ACOT7: variants seen among roughly 807,000 people sequenced by gnomAD.
The protein encoded by ACOT7 is cytosolic acyl coenzyme A thioester hydrolase.
A neutral mutation model predicts 40.2 loss-of-function variants in ACOT7; 12 were observed. That is an observed-to-expected ratio of 0.30 (90% CI 0.19 to 0.48). ACOT7 has a LOEUF of 0.48. Ranked by LOEUF, ACOT7 falls within the 20% of genes least tolerant of loss-of-function variation. ACOT7 has a pLI of 0.99. For missense variants in ACOT7, 395 were observed against 530.8 expected, an observed-to-expected ratio of 0.74 and a Z score of 2.51; for synonymous variants, 228 against 219.5, an observed-to-expected ratio of 1.04 and a Z score of -0.34.
intron 5 of ACOT7, among the ~76,000 whole-genome samples, chr1:6,326,268 G>A (rs866038290): frequency 6.6e-6 from 1 of 152,194 alleles, no homozygotes; most frequent in African/African-American, 2.4e-5. Flanking sequence ...GCCTGCCCCC[G>A]AGGGCTCACC....
chr1:6,382,880 G>GT (rs144081480), intron 1 of ACOT7, among the ~76,000 whole-genome samples: 10,429 of 147,494 alleles, frequency 0.071, 615 homozygotes, highest in African/African-American at 0.15. Context: ...CAGTTTTTTT[G>GT]TTTTTTTTTT....
At chr1:6,345,476 T>C (rs1028375090) in intron 2 of ACOT7, among the ~76,000 whole-genome samples, 3 of 152,182 alleles carry the variant, frequency 2.0e-5, no homozygotes, top group African/African-American at 7.2e-5. Flanking sequence ...TAAACACAGA[T>C]AATAAATGGT....
rs772791210 is a variant in ACOT7, at chr1:6,264,410, TATAA to T, written c.*183_*186del. ...CTGTGTAGCATTGATACTGGAATGA[TATAA>T]ATAAAGCTTTGGTGTGTAGGTTTGC... On this transcript the variant is annotated 3_prime_UTR_variant, in exon 9 of 9. Transcript: ENST00000361521. 39 of 606,648 alleles carry T rather than the reference TATAA, an allele frequency of 6.4e-5. No individual in the cohort carries two copies. Among genetic ancestry groups the T allele is most frequent in the Admixed American group, 9.2e-5 (3 of 32,490 alleles). 37.6% of individuals were successfully genotyped at this position (606,648 alleles called of 1,614,324 possible). A position where few individuals can be genotyped will look rare whatever the true frequency, so the allele number is the denominator to read the frequency against.
intron 8 of ACOT7, among the ~76,000 whole-genome samples, chr1:6,267,246 C>T (rs1033963197): frequency 3.9e-5 from 6 of 152,200 alleles, no homozygotes; most frequent in Admixed American, 2.0e-4. Context: ...GGGAGACTGG[C>T]GAGAAACTTG....
At chr1:6,333,608 C>T (rs759417813) in intron 3 of ACOT7, 40 bp from the exon 4 acceptor site, 67 of 1,606,416 alleles carry the variant, frequency 4.2e-5, no homozygotes, top group South Asian at 2.9e-4. Context: ...GCCCGGGAGA[C>T]GGGGTGGGAA....
At chr1:6,388,150 C>T (rs1642471062) in intron 1 of ACOT7, among the ~76,000 whole-genome samples, 1 of 151,430 alleles carries the variant, frequency 6.6e-6, no homozygotes, top group South Asian at 2.1e-4. Flanking sequence ...ACTCTGTCGC[C>T]CAGGCTGGAG....
rs375327912 is a variant in ACOT7 at position 6,339,448 on chromosome 1, C to T, written c.403G>A (p.Glu135Lys). 5 of 1,613,232 alleles carry T rather than the reference C, an allele frequency of 3.1e-6. No homozygotes were observed. Among genetic ancestry groups the T allele is most frequent in the Middle Eastern group, 1.7e-4 (1 of 5,764 alleles). The change falls in exon 3 of 9, where the codon GAA becomes AAA. Residue 135 changes from glutamate to lysine, a missense_variant. Physicochemically the swap from Glu to Lys is moderately conservative, Grantham distance 56. This residue lies in a region of ACOT7 where 309 missense variants were observed against 470.3 expected (regional missense o/e 0.66). Coordinates refer to ENST00000361521, the MANE Select transcript of ACOT7 (RefSeq NM_007274.4). Reference sequence around the variant, plus strand: ...CCAGAAGTACCTGTGAGGATGTTTTCGGACATCACGTTGACCTGCACCTCC... The same window carrying T: ...CCAGAAGTACCTGTGAGGATGTTTTTGGACATCACGTTGACCTGCACCTCC... ...SVEVQVNVMS[E>K]NILTGAKKLT...
intron 7 of ACOT7, among the ~76,000 whole-genome samples, chr1:6,283,758 C>T (rs1335380955): frequency 6.6e-6 from 1 of 152,216 alleles, no homozygotes; most frequent in African/African-American, 2.4e-5. Flanking sequence ...AATTTTCACC[C>T]TTCAGAGAGC....
chr1:6,299,491 A>G lies in ACOT7; in HGVS notation c.713-4511T>C, dbSNP rs576246627. ...CCTCCCCTTACCAGGCACCACACAC[A>G]GAGGGCATAGAGGACAGTCGGCCTC... On this transcript the variant is annotated intron_variant, in intron 6 of 8. Transcript: ENST00000361521. This position sits in a 1 kb window ranked among gnomAD's most constrained non-coding sequence, Gnocchi z 4.1. Among the ~76,000 whole-genome samples the G allele has an allele frequency of 6.6e-6, 1 of 152,050 alleles. No homozygotes were observed. The highest frequency in any genetic ancestry group is 2.1e-4 in the South Asian group (1 of 4,814).
intron 8 of ACOT7, among the ~76,000 whole-genome samples, chr1:6,280,861 C>A (rs1170554311): frequency 6.6e-6 from 1 of 151,996 alleles, no homozygotes; most frequent in African/African-American, 2.4e-5. Context: ...ACCCCACGGG[C>A]CCTGGGAGTA....
Position 6,393,282 on chromosome 1 carries a change from T to C in ACOT7, c.118A>G (p.Thr40Ala), listed in dbSNP as rs1642565143. 3.9e-6 allele frequency: 5 copies of C among 1,283,474 alleles called. No individual in the cohort carries two copies. The highest frequency in any genetic ancestry group is 4.9e-6 in the Non-Finnish European group (5 of 1,014,870). 79.5% of individuals were successfully genotyped at this position (1,283,474 alleles called of 1,614,324 possible). A position where few individuals can be genotyped will look rare whatever the true frequency, so the allele number is the denominator to read the frequency against. The stretch of plus-strand genomic sequence containing the variant: ...CGGCAGATCTGGATGGCGGACGGCG[T>C]CTCGACGTCTGGGCCCGACATGCTG... ...APSMSGPDVETPSAIQICRIM... is the reference protein window; with the variant it reads ...APSMSGPDVEAPSAIQICRIM... Residue 40 changes from threonine (T) to alanine (A), a missense_variant, in exon 1 of 9, where the codon ACG (threonine) becomes GCG (alanine). Physicochemically the swap from Thr to Ala is moderately conservative, Grantham distance 58. Coordinates refer to ENST00000361521, the MANE Select transcript of ACOT7 (RefSeq NM_007274.4).
At chr1:6,344,001 T>C (rs1641348644) in intron 2 of ACOT7, among the ~76,000 whole-genome samples, 1 of 152,054 alleles carries the variant, frequency 6.6e-6, no homozygotes. Flanking sequence ...AGCCCAACGA[T>C]GTTAAGGCAG....
chr1:6,309,399 CAT>C lies in ACOT7; in HGVS notation c.712+9091_712+9092del, dbSNP rs544185020. Among the ~76,000 whole-genome samples the C allele has an allele frequency of 5.9e-5, 9 of 152,290 alleles. No individual in the cohort carries two copies. The East Asian group carries it at 1.7e-3, about 29-fold the overall frequency. On this transcript the variant is annotated intron_variant, in intron 6 of 8. Coordinates refer to ENST00000361521, the MANE Select transcript of ACOT7 (RefSeq NM_007274.4). ...AGGGACCCAGAGACCCAGACAGAGA[CAT>C]AAAGTCGGCCTGCTCCTGCCCTGAG...
chr1:6,345,715 G>A (rs1355610739), intron 2 of ACOT7, among the ~76,000 whole-genome samples: 8 of 152,214 alleles, frequency 5.3e-5, no homozygotes, highest in Non-Finnish European at 7.3e-5. Context: ...CGGCAGCTCT[G>A]AGGATGCAGC....
At chr1:6,325,835 C>T (rs927988764) in intron 5 of ACOT7, among the ~76,000 whole-genome samples, 9 of 152,152 alleles carry the variant, frequency 5.9e-5, no homozygotes, top group African/African-American at 1.7e-4. Flanking sequence ...GGGAGGTGAG[C>T]GGCCATAACA....
Position 6,282,825 on chromosome 1 carries a change from G to A in ACOT7, c.830-1539C>T, listed in dbSNP as rs1404542209. The A allele has an allele frequency of 1.0e-5, 13 of 1,301,722 alleles. No individual in the cohort carries two copies. Among genetic ancestry groups the A allele is most frequent in the African/African-American group, 6.1e-5 (4 of 65,838 alleles). 80.6% of individuals were successfully genotyped at this position (1,301,722 alleles called of 1,614,324 possible). A position where few individuals can be genotyped will look rare whatever the true frequency, so the allele number is the denominator to read the frequency against. On this transcript the variant is annotated intron_variant, in intron 7 of 8. Transcript: ENST00000361521. This position sits in a 1 kb window ranked among gnomAD's most constrained non-coding sequence, Gnocchi z 4.5. Reference sequence around the variant, plus strand: ...TAAGGTACAGAGTCCCATGCAAAGCGCCCGCAGTCACAAGACGCACCCCGG... The same window carrying A: ...TAAGGTACAGAGTCCCATGCAAAGCACCCGCAGTCACAAGACGCACCCCGG...
intron 4 of ACOT7, among the ~76,000 whole-genome samples, chr1:6,332,095 G>A (rs1032390972): frequency 2.0e-5 from 3 of 152,238 alleles, no homozygotes; most frequent in African/African-American, 4.8e-5. Flanking sequence ...AGCACCCAGC[G>A]TCTCTATTGG....
At chr1:6,287,439 G>A (rs997089084) in intron 7 of ACOT7, among the ~76,000 whole-genome samples, 3 of 152,242 alleles carry the variant, frequency 2.0e-5, no homozygotes, top group Non-Finnish European at 4.4e-5. Context: ...CAGAGATAGC[G>A]ACAGTCCCTG....
At chr1:6,333,783 G>T (rs1241603789) in intron 3 of ACOT7, among the ~76,000 whole-genome samples, 1 of 151,678 alleles carries the variant, frequency 6.6e-6, no homozygotes, top group Non-Finnish European at 1.5e-5. Flanking sequence ...TGTGAGTGTG[G>T]ACAAACAGAA....
Sources: gnomAD v4.1 joint callset for allele counts (sites outside exome capture counted in the v4.1 genomes callset) on GRCh38, gnomAD v4.1.1 for gene constraint, gnomAD v4.1.1 regional missense constraint, Gnocchi (gnomAD v3.1) non-coding constraint, MANE v1.5 for transcripts, NCBI Gene and HGNC (gene_info 2026-07-23, HGNC 2026-07-21) for gene names.